CFDP1: variants seen among roughly 807,000 people sequenced by gnomAD.
The protein encoded by CFDP1 is chromatin remodeling protein CFDP1.
CFDP1 carries 31 observed loss-of-function variants against 40.1 expected under a neutral mutation model. That is an observed-to-expected ratio of 0.77 (90% CI 0.58 to 1.04). CFDP1 has a LOEUF of 1.04. Ranked by LOEUF, CFDP1 falls within the 50% of genes least tolerant of loss-of-function variation. The pLI is 0.00. For synonymous variants in CFDP1, 167 were observed against 120.0 expected, an observed-to-expected ratio of 1.39 and a Z score of -2.56; for missense variants, 423 against 343.4, an observed-to-expected ratio of 1.23 and a Z score of -1.83.
In CFDP1 at chr16:75,401,094, G is replaced by T. The variant is rs247440; in HGVS notation, c.531-5885C>A. ...GCAGATAGTGAGGTCAGGAGTTCCA[G>T]ACCAGCCTGGCAACATGGTGAAACC... On this transcript the variant is annotated intron_variant, in intron 4 of 6. Coordinates refer to ENST00000283882, the MANE Select transcript of CFDP1 (RefSeq NM_006324.3). 7.7e-4 allele frequency among the ~76,000 whole-genome samples: 117 copies of T among 152,114 alleles called. No homozygotes were observed. The East Asian group carries it at 0.015, about 19-fold the overall frequency.
chr16:75,419,102 T>C (rs748049199), intron 1 of CFDP1: 15 of 379,430 alleles, frequency 4.0e-5, no homozygotes, highest in South Asian at 2.8e-4. Context: ...GGACGCCGAC[T>C]CATAAAAAAT....
chr16:75,343,425 A>AT (rs972424221), intron 5 of CFDP1, among the ~76,000 whole-genome samples: 16 of 152,268 alleles, frequency 1.1e-4, no homozygotes, highest in African/African-American at 3.1e-4. Context: ...TGTTGACTCC[A>AT]TTTTTTTCCA....
intron 1 of CFDP1, among the ~76,000 whole-genome samples, chr16:75,420,213 G>GA (rs2079262553): frequency 6.6e-6 from 1 of 151,360 alleles, no homozygotes; most frequent in African/African-American, 2.4e-5. Context: ...AGTTCCAAAG[G>GA]AAAAAACAAG....
intron 1 of CFDP1, among the ~76,000 whole-genome samples, chr16:75,417,956 T>G (rs1390912464): frequency 6.6e-6 from 1 of 152,044 alleles, no homozygotes; most frequent in Non-Finnish European, 1.5e-5. Context: ...GACACAATTA[T>G]AAAATCAAAG....
intron 5 of CFDP1, among the ~76,000 whole-genome samples, chr16:75,338,297 C>A (rs570403099): frequency 6.6e-6 from 1 of 152,230 alleles, no homozygotes; most frequent in South Asian, 2.1e-4. Context: ...TCCAGGGGAC[C>A]ACTGGGCCAT....
chr16:75,429,153 T>G (rs1045322225), intron 1 of CFDP1, among the ~76,000 whole-genome samples: 1 of 152,038 alleles, frequency 6.6e-6, no homozygotes, highest in African/African-American at 2.4e-5. Flanking sequence ...ACAAAGAGAA[T>G]ATTCTACCAG....
intron 5 of CFDP1, among the ~76,000 whole-genome samples, chr16:75,379,203 G>A (rs1305914636): frequency 6.6e-6 from 1 of 150,942 alleles, no homozygotes; most frequent in African/African-American, 2.4e-5. Flanking sequence ...GCAATATATA[G>A]GCAAACCAAG....
chr16:75,394,223 T>C (rs1264184338), intron 5 of CFDP1, among the ~76,000 whole-genome samples: 1 of 152,214 alleles, frequency 6.6e-6, no homozygotes, highest in Non-Finnish European at 1.5e-5. Flanking sequence ...ATCCATGGTA[T>C]GGGTCTATGT....
chr16:75,419,120 A>G, intron 1 of CFDP1: 1 of 371,176 alleles, frequency 2.7e-6, no homozygotes, highest in Admixed American at 2.9e-5. Flanking sequence ...AATAAATAAT[A>G]ATAAAAAAAG....
intron 5 of CFDP1, among the ~76,000 whole-genome samples, chr16:75,336,790 T>A (rs1356086551): frequency 1.3e-5 from 2 of 152,238 alleles, no homozygotes; most frequent in East Asian, 3.8e-4. Context: ...TCAAAAGTGT[T>A]ATTTTAGGAT....
intron 5 of CFDP1, among the ~76,000 whole-genome samples, chr16:75,344,179 C>T (rs2078546163): frequency 6.6e-6 from 1 of 152,166 alleles, no homozygotes; most frequent in Non-Finnish European, 1.5e-5. Flanking sequence ...AATTCTGAAG[C>T]TGATGAAAAG....
At chr16:75,318,074 T>TCGCGCCACTGCACTCCAG (rs906717990) in intron 5 of CFDP1, among the ~76,000 whole-genome samples, 1 of 151,822 alleles carries the variant, frequency 6.6e-6, no homozygotes, top group African/African-American at 2.4e-5. Flanking sequence ...TGTGCCGAGA[T>TCGCGCCACTGCACTCCAG]CGCGCCACTG....
chr16:75,363,852 A>C (rs556864046), intron 5 of CFDP1, among the ~76,000 whole-genome samples: 29 of 152,216 alleles, frequency 1.9e-4, no homozygotes, highest in African/African-American at 6.7e-4. Flanking sequence ...AACTATTATG[A>C]ACCAAGTACT....
chr16:75,388,935 C>T (rs574369302), intron 5 of CFDP1, among the ~76,000 whole-genome samples: 15 of 136,778 alleles, frequency 1.1e-4, no homozygotes, highest in African/African-American at 2.1e-4. Context: ...TTTTTTTTTT[C>T]CACTCCATAG....
intron 5 of CFDP1, among the ~76,000 whole-genome samples, chr16:75,385,294 A>C (rs1304393311): frequency 6.6e-6 from 1 of 152,148 alleles, no homozygotes; most frequent in Non-Finnish European, 1.5e-5. Flanking sequence ...GGATCTGCAC[A>C]AAACTGATCA....
intron 2 of CFDP1, 65 bp from the exon 3 acceptor site, chr16:75,412,819 C>T (rs947295031): frequency 7.8e-7 from 1 of 1,282,158 alleles, no homozygotes; most frequent in Admixed American, 1.7e-5. Flanking sequence ...ATCCCTCTCC[C>T]AATCCCAAAG....
At chr16:75,330,738 T>C (rs1323810075) in intron 5 of CFDP1, among the ~76,000 whole-genome samples, 3 of 152,232 alleles carry the variant, frequency 2.0e-5, no homozygotes, top group South Asian at 2.1e-4. Context: ...GGAAAAGCTA[T>C]GCAGAATCAT....
At chr16:75,402,420 A>T (rs1284760904) in intron 4 of CFDP1, among the ~76,000 whole-genome samples, 1 of 152,192 alleles carries the variant, frequency 6.6e-6, no homozygotes, top group Non-Finnish European at 1.5e-5. Flanking sequence ...TGGTTATGTG[A>T]TAGGGCAGAA....
rs1597375468 is a variant in CFDP1 at position 75,389,854 on chromosome 16, T to C, written c.650+5236A>G. ...TACCCCAGATCAGCTGAATTCCTCT[T>C]GGACCCGTCTTTTCCCAAGCACAAT... is the stretch of plus-strand genomic sequence containing the variant. On this transcript the variant is annotated intron_variant, in intron 5 of 6. Coordinates refer to ENST00000283882, the MANE Select transcript of CFDP1 (RefSeq NM_006324.3). Among the ~76,000 whole-genome samples the C allele has an allele frequency of 2.6e-5, 4 of 152,334 alleles. No individual in the cohort carries two copies. The South Asian group carries it at 8.3e-4, about 32-fold the overall frequency.
Sources: gnomAD v4.1 joint callset for allele counts (sites outside exome capture counted in the v4.1 genomes callset) on GRCh38, gnomAD v4.1.1 for gene constraint, MANE v1.5 for transcripts, NCBI Gene and HGNC (gene_info 2026-07-23, HGNC 2026-07-21) for gene names.